CNTNAP2: variants seen among roughly 807,000 people sequenced by gnomAD.
The protein encoded by CNTNAP2 is contactin-associated protein-like 2.
Under a neutral mutation model 155.2 loss-of-function variants are expected in CNTNAP2, and 98 were observed. The observed-to-expected ratio is 0.63, with a 90% confidence interval of 0.54 to 0.75. CNTNAP2 has a LOEUF of 0.75. CNTNAP2 is among the 30% of genes least tolerant of loss of function. The pLI, the probability that CNTNAP2 is intolerant of heterozygous loss-of-function variation, is 0.00. For missense variants in CNTNAP2, 1,727 were observed against 1,688.1 expected, an observed-to-expected ratio of 1.02 and a Z score of -0.40; for synonymous variants, 651 against 631.2, an observed-to-expected ratio of 1.03 and a Z score of -0.47.
At chr7:147,741,737 G>T (rs547191524) in intron 13 of CNTNAP2, among the ~76,000 whole-genome samples, 2 of 152,046 alleles carry the variant, frequency 1.3e-5, no homozygotes, top group Non-Finnish European at 2.9e-5. Flanking sequence ...AAAGTTTTTT[G>T]TTATTAGAAT....
At chr7:148,386,546 A>G (rs922541982) in intron 22 of CNTNAP2, among the ~76,000 whole-genome samples, 1 of 152,178 alleles carries the variant, frequency 6.6e-6, no homozygotes, top group African/African-American at 2.4e-5. Context: ...TTTACAAACT[A>G]TAAGGCAGAG....
intron 1 of CNTNAP2, among the ~76,000 whole-genome samples, chr7:146,712,282 A>AG (rs1727773417): frequency 9.6e-5 from 1 of 10,372 alleles, no homozygotes; most frequent in South Asian, 6.6e-3. Context: ...GTATACATAT[A>AG]TGTATACATA....
chr7:147,743,577 C>T (rs1584933144), intron 13 of CNTNAP2, among the ~76,000 whole-genome samples: 1 of 152,190 alleles, frequency 6.6e-6, no homozygotes. Context: ...CCCTGCTTGT[C>T]CAGTCACGCT....
intron 8 of CNTNAP2, among the ~76,000 whole-genome samples, chr7:147,231,804 T>C (rs1166205760): frequency 1.3e-5 from 2 of 152,248 alleles, no homozygotes; most frequent in Non-Finnish European, 2.9e-5. Flanking sequence ...TTGTGTGAGA[T>C]CTTTATATGA....
At chr7:147,731,007 A>G (rs978674009) in intron 13 of CNTNAP2, among the ~76,000 whole-genome samples, 50 of 152,136 alleles carry the variant, frequency 3.3e-4, no homozygotes, top group African/African-American at 1.2e-3. Flanking sequence ...GTGAAGGCTC[A>G]GAGAAGTGAG....
At chr7:148,288,209 C>G (rs1797122769) in intron 21 of CNTNAP2, among the ~76,000 whole-genome samples, 1 of 151,774 alleles carries the variant, frequency 6.6e-6, no homozygotes. Flanking sequence ...AAGTGATTCT[C>G]CTGCCTCAGC....
intron 21 of CNTNAP2, among the ~76,000 whole-genome samples, chr7:148,342,695 C>T (rs889431185): frequency 6.6e-6 from 1 of 152,200 alleles, no homozygotes; most frequent in Non-Finnish European, 1.5e-5. Context: ...CAACACTGAC[C>T]TTCATTGTGG....
intron 11 of CNTNAP2, among the ~76,000 whole-genome samples, chr7:147,532,168 C>T (rs982313587): frequency 2.0e-5 from 3 of 152,102 alleles, no homozygotes; most frequent in Non-Finnish European, 2.9e-5. Context: ...TACTCTGCTT[C>T]CTTTCTAAAA....
intron 13 of CNTNAP2, among the ~76,000 whole-genome samples, chr7:147,873,152 C>T (rs970915950): frequency 3.9e-5 from 6 of 152,250 alleles, no homozygotes; most frequent in African/African-American, 1.2e-4. Context: ...ATCAAGAAAA[C>T]TAAAATTAGT....
At chr7:147,258,980 T>C (rs893419863) in intron 8 of CNTNAP2, among the ~76,000 whole-genome samples, 20 of 152,282 alleles carry the variant, frequency 1.3e-4, no homozygotes, top group Admixed American at 1.2e-3. Flanking sequence ...AGCCATCCTA[T>C]ATGAATAAAG....
At chr7:146,780,907 A>G (rs1384749750) in intron 2 of CNTNAP2, among the ~76,000 whole-genome samples, 1 of 151,950 alleles carries the variant, frequency 6.6e-6, no homozygotes, top group African/African-American at 2.4e-5. Context: ...GCATTAGGAG[A>G]AATACCTAGT....
At chr7:146,517,084 G>A (rs532535731) in intron 1 of CNTNAP2, among the ~76,000 whole-genome samples, 1 of 152,088 alleles carries the variant, frequency 6.6e-6, no homozygotes, top group African/African-American at 2.4e-5. Context: ...GCACGGTGAT[G>A]AACTCTGGTG....
At chr7:147,336,668 G>A (rs1046756757) in intron 9 of CNTNAP2, among the ~76,000 whole-genome samples, 2 of 152,062 alleles carry the variant, frequency 1.3e-5, no homozygotes, top group African/African-American at 4.8e-5. Flanking sequence ...CTAGTTAGTG[G>A]CAGAGATATG....
chr7:147,137,301 A>G lies in CNTNAP2; in HGVS notation c.1348+4792A>G, dbSNP rs1246304516. Among the ~76,000 whole-genome samples the G allele has an allele frequency of 1.3e-5, 2 of 151,266 alleles. 1 individual carries two copies. The highest frequency in any genetic ancestry group is 4.8e-5 in the African/African-American group (2 of 41,400). On this transcript the variant is annotated intron_variant, in intron 8 of 23. Transcript: ENST00000361727. ...TTTTTAATAAAAACTTAAGTAGACT[A>G]TGAATCTAATGTCATTATTATAAAT...
At chr7:147,961,725 G>A (rs1476377633) in intron 14 of CNTNAP2, among the ~76,000 whole-genome samples, 1 of 152,100 alleles carries the variant, frequency 6.6e-6, no homozygotes, top group Non-Finnish European at 1.5e-5. Flanking sequence ...TCTAGATATT[G>A]TGCATTTTCA....
intron 8 of CNTNAP2, among the ~76,000 whole-genome samples, chr7:147,185,341 C>T (rs564125603): frequency 6.6e-5 from 10 of 152,134 alleles, no homozygotes; most frequent in South Asian, 6.2e-4. Context: ...TGAGCTTGCA[C>T]GTAATCTACA....
chr7:148,128,536 T>A (rs1804761465), intron 16 of CNTNAP2, among the ~76,000 whole-genome samples: 1 of 152,168 alleles, frequency 6.6e-6, no homozygotes. Context: ...TTGTTCTTAA[T>A]AAATATTAAA....
At position 147,552,066 on chromosome 7, in the gene CNTNAP2, C is replaced by T. The variant is rs115761817; in HGVS notation, c.1778-10072C>T. On this transcript the variant is annotated intron_variant, in intron 11 of 23. Transcript: ENST00000361727. ...AATTTAAGTGGCAAATAATCCAAGT[C>T]ATATGGACTGTAAGTTACAGAACCA... is the stretch of plus-strand genomic sequence containing the variant. Among the ~76,000 whole-genome samples the T allele has an allele frequency of 6.2e-3, 946 of 152,238 alleles. 8 individuals carry two copies. Among genetic ancestry groups the T allele is most frequent in the African/African-American group, 0.022 (908 of 41,544 alleles).
Position 146,403,447 on chromosome 7 carries a change from G to T in CNTNAP2, c.97+286474G>T, listed in dbSNP as rs529148134. ...TAAATTTCTTTTCTGCTGCGATTTT[G>T]TTCGTTTGTAATAAAACTATGAAAC... is the stretch of plus-strand genomic sequence containing the variant. On this transcript the variant is annotated intron_variant, in intron 1 of 23. Coordinates refer to ENST00000361727, the MANE Select transcript of CNTNAP2 (RefSeq NM_014141.6). 2.7e-3 allele frequency among the ~76,000 whole-genome samples: 404 copies of T among 152,090 alleles called. 3 individuals carry two copies. The highest frequency in any genetic ancestry group is 9.4e-3 in the African/African-American group (392 of 41,506).
Sources: allele counts gnomAD v4.1 joint callset (sites outside exome capture counted in the v4.1 genomes callset), GRCh38; gene constraint gnomAD v4.1.1; transcripts MANE v1.5; gene names NCBI Gene and HGNC (gene_info 2026-07-23, HGNC 2026-07-21).